Variants in REV3L observed in about 807,000 individuals in gnomAD.
REV3L encodes DNA polymerase zeta catalytic subunit.
In REV3L, 69 loss-of-function variants were observed where a neutral mutation model predicts 299.4. That is an observed-to-expected ratio of 0.23 (90% CI 0.19 to 0.28). REV3L has a LOEUF of 0.28. Among genes scored for constraint, REV3L ranks in the 10% least tolerant of loss-of-function variants. The pLI, the probability that REV3L is intolerant of heterozygous loss-of-function variation, is 1.00. For synonymous variants in REV3L, 1,238 were observed against 1,271.4 expected (o/e 0.97, Z 0.56); for missense variants, 3,128 against 3,693.8 (o/e 0.85, Z 3.97).
chr6:111,427,159 G>C (rs1174564042), intron 1 of REV3L, among the ~76,000 whole-genome samples: 2 of 152,012 alleles, frequency 1.3e-5, no homozygotes, highest in Non-Finnish European at 1.5e-5. Flanking sequence ...ATACCTAAAT[G>C]CTCCTTCAAA....
chr6:111,386,496 G>C (rs918272071), intron 9 of REV3L, among the ~76,000 whole-genome samples: 1 of 152,056 alleles, frequency 6.6e-6, no homozygotes, highest in African/African-American at 2.4e-5. Context: ...TATATTGCTG[G>C]TGGGAAAGTA....
At chr6:111,465,735 A>C (rs963059102) in intron 1 of REV3L, among the ~76,000 whole-genome samples, 2 of 111,126 alleles carry the variant, frequency 1.8e-5, no homozygotes, top group African/African-American at 5.8e-5. Flanking sequence ...TCCGACTCAA[A>C]AACAAAAACC....
At chr6:111,313,577 C>A in intron 27 of REV3L, 88 bp from the exon 28 acceptor site, 1 of 1,312,658 alleles carries the variant, frequency 7.6e-7, no homozygotes, top group Non-Finnish European at 1.0e-6. Context: ...TTTCTTTAAT[C>A]AAGTATCAAT....
chr6:111,388,538 G>A (rs13203984), intron 7 of REV3L, among the ~76,000 whole-genome samples: 8,769 of 152,106 alleles, frequency 0.058, 290 homozygotes, highest in Middle Eastern at 0.086. Context: ...GAATGATGTC[G>A]TTCACTCTTT....
chr6:111,346,863 C>A (rs911124195), intron 20 of REV3L, among the ~76,000 whole-genome samples: 2 of 152,102 alleles, frequency 1.3e-5, no homozygotes, highest in African/African-American at 4.8e-5. Flanking sequence ...GCTACTGTTG[C>A]CTTTTGGATA....
intron 31 of REV3L, among the ~76,000 whole-genome samples, chr6:111,300,977 T>C (rs1771441150): frequency 6.6e-6 from 1 of 152,224 alleles, no homozygotes; most frequent in Admixed American, 6.5e-5. Context: ...AACAGAGTCA[T>C]ATTTCTCTTC....
intron 26 of REV3L, among the ~76,000 whole-genome samples, chr6:111,317,984 ACT>A (rs1773713720): frequency 6.6e-6 from 1 of 152,130 alleles, no homozygotes; most frequent in African/African-American, 2.4e-5. Flanking sequence ...CCAATCACTC[ACT>A]GATAGACGTT....
chr6:111,431,503 G>A, intron 1 of REV3L: 1 of 953,310 alleles, frequency 1.0e-6, no homozygotes, highest in South Asian at 1.3e-5. Context: ...GCTCCAGGAA[G>A]CCCAGAATGA....
chr6:111,373,557 T>C lies in REV3L; in HGVS notation c.4798A>G (p.Lys1600Glu), dbSNP rs933996772. 1 of 1,613,970 alleles carries C rather than the reference T, an allele frequency of 6.2e-7. No individual in the cohort carries two copies. Among genetic ancestry groups the C allele is most frequent in the Non-Finnish European group, 8.5e-7 (1 of 1,179,960 alleles). Residue 1600 changes from lysine to glutamate, a missense_variant, in exon 13 of 32, where the codon AAA becomes GAA. By Grantham distance (56) the Lys-to-Glu change is moderately conservative (BLOSUM62 1). Coordinates refer to ENST00000368802, the MANE Select transcript of REV3L (RefSeq NM_001372078.1). ...TTTTGTAAATTTAAAGAGTCTACTT[T>C]GAGAAGTTTGGGGATTTTTTCTTTT... Reference protein sequence around the residue: ...KQKEKIPKLLKVDSLNLQNSS... With the variant: ...KQKEKIPKLLEVDSLNLQNSS...
chr6:111,320,715 A>G (rs1200440110), intron 26 of REV3L, among the ~76,000 whole-genome samples: 1 of 152,112 alleles, frequency 6.6e-6, no homozygotes, highest in Non-Finnish European at 1.5e-5. Flanking sequence ...TGGCATGATC[A>G]TGGTTGACTA....
Position 111,375,273 on chromosome 6 carries a change from G to C in REV3L, c.3082C>G (p.Pro1028Ala), listed in dbSNP as rs780945504. 1 of 1,607,576 alleles carries C rather than the reference G, an allele frequency of 6.2e-7. No individual in the cohort carries two copies. The highest frequency in any genetic ancestry group is 1.1e-5 in the South Asian group (1 of 88,166). ...APLKDFWPKV[P>A]DSPATKYPIY... The stretch of plus-strand genomic sequence containing the variant: ...GGATATTTGGTTGCAGGGGAGTCGG[G>C]AACTTTTGGCCAAAAGTCCTTCAAA... Residue 1028 changes from proline (P) to alanine (A), a missense_variant, in exon 13 of 32, where the codon CCC becomes GCC. Physicochemically the swap from Pro to Ala is conservative, Grantham distance 27. Coordinates refer to ENST00000368802, the MANE Select transcript of REV3L (RefSeq NM_001372078.1).
chr6:111,455,142 T>C (rs577440093), intron 1 of REV3L, among the ~76,000 whole-genome samples: 1 of 152,218 alleles, frequency 6.6e-6, no homozygotes, highest in South Asian at 2.1e-4. Context: ...CAAAGTACAA[T>C]GGTGGCACAA....
chr6:111,442,042 C>T (rs368178673), intron 1 of REV3L, among the ~76,000 whole-genome samples: 13 of 152,362 alleles, frequency 8.5e-5, no homozygotes, highest in African/African-American at 3.1e-4. Context: ...TTAGATACTT[C>T]CCTTTCCCTG....
In REV3L at chr6:111,411,685, C is replaced by A. The variant is rs1253080024; in HGVS notation, c.330-131G>T. 7.8e-6 allele frequency: 5 copies of A among 641,518 alleles called. No individual in the cohort carries two copies. In the African/African-American group the frequency reaches 9.2e-5, roughly 12 times the overall value. The allele number at this position is 641,518 out of a possible 1,614,324, so 39.7% of individuals were successfully genotyped here. ...TTAATATTATCCACCCCCCAAAAAACAACTAAAAAATCCCAAACCTTTCAG... is the reference window on the plus strand; with the variant it reads ...TTAATATTATCCACCCCCCAAAAAAAAACTAAAAAATCCCAAACCTTTCAG... On this transcript the variant is annotated intron_variant, in intron 2 of 31. Transcript: ENST00000368802.
rs773546399 is a variant in REV3L at position 111,372,642 on chromosome 6, G to C, written c.5713C>G (p.Gln1905Glu). 17 of 1,522,226 alleles carry C rather than the reference G, an allele frequency of 1.1e-5. No individual in the cohort carries two copies. The highest frequency in any genetic ancestry group is 9.7e-6 in the Non-Finnish European group (11 of 1,137,222). 94.3% of individuals were successfully genotyped at this position (1,522,226 alleles called of 1,614,324 possible). A position where few individuals can be genotyped will look rare whatever the true frequency, so the allele number is the denominator to read the frequency against. Residue 1905 changes from glutamine to glutamate, a missense_variant, in exon 13 of 32, where the codon CAG becomes GAG. Transcript: ENST00000368802. ...LDHDLSETIY[Q>E]EPFCSNPSDV... Reference sequence around the variant, plus strand: ...GAAGGATTACTGCAAAATGGTTCCTGGTAAATAGTCTCAGACAGGTCATGA... The same window carrying C: ...GAAGGATTACTGCAAAATGGTTCCTCGTAAATAGTCTCAGACAGGTCATGA...
chr6:111,372,984 G>A lies in REV3L; in HGVS notation c.5371C>T (p.Pro1791Ser), dbSNP rs17539651. ...SVSKEVFLSLPQPNNSDWIQG... is the reference protein window; with the variant it reads ...SVSKEVFLSLSQPNNSDWIQG... ...ATCCAGTCTGAATTGTTTGGCTGTG[G>A]GAGGCTAAGAAACACTTCTTTGCTT... The change falls in exon 13 of 32, where the codon CCA (proline) becomes TCA (serine). Residue 1791 changes from proline to serine, a missense_variant. By Grantham distance (74) the Pro-to-Ser change is moderately conservative (BLOSUM62 -1). Coordinates refer to ENST00000368802, the MANE Select transcript of REV3L (RefSeq NM_001372078.1). 10,500 of 1,614,000 alleles carry A rather than the reference G, an allele frequency of 6.5e-3. 600 individuals carry two copies. The African/African-American group carries it at 0.12, about 19-fold the overall frequency.
chr6:111,458,388 A>G (rs569077508), intron 1 of REV3L, among the ~76,000 whole-genome samples: 2 of 152,284 alleles, frequency 1.3e-5, no homozygotes, highest in East Asian at 3.9e-4. Context: ...AATGATGCTC[A>G]CTTTCACCAC....
At chr6:111,343,232 A>G (rs182818358) in intron 21 of REV3L, among the ~76,000 whole-genome samples, 54 of 152,334 alleles carry the variant, frequency 3.5e-4, no homozygotes, top group Admixed American at 1.4e-3. Flanking sequence ...ATACTATTTA[A>G]TAATAAGAAT....
intron 21 of REV3L, among the ~76,000 whole-genome samples, chr6:111,343,180 T>G (rs1473366573): frequency 6.6e-6 from 1 of 152,170 alleles, no homozygotes; most frequent in Non-Finnish European, 1.5e-5. Context: ...AACCCAAATG[T>G]CCATCAACAG....
Sources: gnomAD v4.1 joint callset for allele counts (sites outside exome capture counted in the v4.1 genomes callset) on GRCh38, gnomAD v4.1.1 for gene constraint, MANE v1.5 for transcripts, NCBI Gene and HGNC (gene_info 2026-07-23, HGNC 2026-07-21) for gene names.